PUM2: variants seen among roughly 807,000 people sequenced by gnomAD.
PUM2 encodes pumilio homolog 2.
A neutral mutation model predicts 124.5 loss-of-function variants in PUM2; 57 were observed. The ratio of observed to expected loss-of-function variants is 0.46; its 90% CI spans 0.37 to 0.57. PUM2 has a LOEUF of 0.57. Among genes scored for constraint, PUM2 ranks in the 20% least tolerant of loss-of-function variants. The pLI is 0.00. For missense variants in PUM2, 1,065 were observed against 1,290.6 expected, an observed-to-expected ratio of 0.83 and a Z score of 2.68; for synonymous variants, 460 against 446.1, an observed-to-expected ratio of 1.03 and a Z score of -0.39.
chr2:20,272,676 T>A (rs930752271), intron 13 of PUM2, among the ~76,000 whole-genome samples: 4 of 152,236 alleles, frequency 2.6e-5, no homozygotes, highest in African/African-American at 9.6e-5. Flanking sequence ...ATTTTTTGCA[T>A]CAGCTTATCA....
At chr2:20,289,418 G>A (rs747544779) in intron 10 of PUM2, among the ~76,000 whole-genome samples, 9 of 152,128 alleles carry the variant, frequency 5.9e-5, no homozygotes, top group Non-Finnish European at 1.2e-4. Flanking sequence ...TCAGCCCAAC[G>A]TCCATGTGCC....
chr2:20,312,189 A>G (rs1250945969), intron 4 of PUM2, 47 bp downstream of exon 4: 41 of 1,480,948 alleles, frequency 2.8e-5, no homozygotes, highest in Non-Finnish European at 3.7e-5. Flanking sequence ...ACGTAACCAA[A>G]TAACTCTCAA....
intron 17 of PUM2, 42 bp from the exon 18 acceptor site, chr2:20,255,383 T>C: frequency 2.5e-6 from 4 of 1,585,476 alleles, no homozygotes; most frequent in Non-Finnish European, 3.4e-6. Context: ...TTCTCTGACA[T>C]TTTTGAACAG....
At chr2:20,350,969 G>A (rs1044104479), upstream of PUM2, 17 of 175,940 alleles carry the variant, frequency 9.7e-5, no homozygotes, top group African/African-American at 2.9e-4. Context: ...GCGGGCCGGG[G>A]GCGCCCTGCG....
intron 2 of PUM2, among the ~76,000 whole-genome samples, chr2:20,325,124 G>A (rs1055111199): frequency 3.3e-5 from 5 of 152,164 alleles, no homozygotes; most frequent in Non-Finnish European, 7.4e-5. Context: ...CTTGCTGCCT[G>A]TGAGATGAGG....
At chr2:20,320,550 G>A (rs1001230937) in intron 2 of PUM2, among the ~76,000 whole-genome samples, 1 of 151,492 alleles carries the variant, frequency 6.6e-6, no homozygotes, top group Non-Finnish European at 1.5e-5. Flanking sequence ...ATTAAAAAAT[G>A]TTAATTAAAA....
At chr2:20,321,989 A>G (rs1374409457) in intron 2 of PUM2, among the ~76,000 whole-genome samples, 1 of 152,160 alleles carries the variant, frequency 6.6e-6, no homozygotes, top group Non-Finnish European at 1.5e-5. Context: ...TCAAAAAAAA[A>G]AATAAAATAA....
At chr2:20,294,338 A>G in intron 9 of PUM2, 38 bp downstream of exon 9, 1 of 1,596,082 alleles carries the variant, frequency 6.3e-7, no homozygotes, top group African/African-American at 1.3e-5. Context: ...AAGAATTTCA[A>G]AGAATACTTG....
chr2:20,258,930 G>A (rs975867986), intron 15 of PUM2, among the ~76,000 whole-genome samples: 1 of 150,872 alleles, frequency 6.6e-6, no homozygotes, highest in South Asian at 2.1e-4. Context: ...GCCTCCCAAA[G>A]TGCTGGGATT....
Position 20,328,002 on chromosome 2 carries a change from C to T in PUM2, c.-18-624G>A, listed in dbSNP as rs148862628. ...AGCAGAAATTTCTGCTGCTGACCAC[C>T]ACAAAAGTCACAGAAATTTGGAGGC... On this transcript the variant is annotated intron_variant, in intron 1 of 20. Coordinates refer to ENST00000361078, the MANE Select transcript of PUM2 (RefSeq NM_015317.5). Among the ~76,000 whole-genome samples the T allele has an allele frequency of 1.8e-3, 275 of 152,238 alleles. 4 individuals are homozygous for T. Among genetic ancestry groups the T allele is most frequent in the African/African-American group, 6.2e-3 (256 of 41,548 alleles).
At chr2:20,342,623 T>A (rs6713329) in intron 1 of PUM2, among the ~76,000 whole-genome samples, 48,505 of 152,114 alleles carry the variant, frequency 0.32, 8,587 homozygotes, top group East Asian at 0.74. Context: ...AATTTTTGTC[T>A]AGGAAAACCC....
At chr2:20,296,323 G>A (rs1395141994) in intron 8 of PUM2, among the ~76,000 whole-genome samples, 3 of 152,098 alleles carry the variant, frequency 2.0e-5, no homozygotes, top group South Asian at 2.1e-4. Flanking sequence ...GTGAAACCCC[G>A]TCTCTACGAA....
chr2:20,314,003 C>T (rs1343808142), intron 3 of PUM2, among the ~76,000 whole-genome samples: 1 of 151,820 alleles, frequency 6.6e-6, no homozygotes, highest in Non-Finnish European at 1.5e-5. Context: ...ATTAGCTGGA[C>T]ATGGTGACGG....
intron 1 of PUM2, among the ~76,000 whole-genome samples, chr2:20,345,978 G>A (rs1351326621): frequency 6.6e-6 from 1 of 152,160 alleles, no homozygotes; most frequent in Admixed American, 6.5e-5. Flanking sequence ...TCTCAACCAC[G>A]ATTCTGAAAG....
At chr2:20,256,737 A>T (rs72785295) in intron 16 of PUM2, among the ~76,000 whole-genome samples, 37,970 of 152,078 alleles carry the variant, frequency 0.25, 5,334 homozygotes, top group Non-Finnish European at 0.32. Context: ...GTTCTTTTAT[A>T]AAATGCTCTT....
chr2:20,316,352 C>T (rs1680932625), intron 3 of PUM2, among the ~76,000 whole-genome samples: 1 of 151,916 alleles, frequency 6.6e-6, no homozygotes, highest in African/African-American at 2.4e-5. Context: ...ATTAAATCTT[C>T]TAATATATTT....
intron 17 of PUM2, among the ~76,000 whole-genome samples, chr2:20,255,601 G>A (rs1664582190): frequency 6.6e-6 from 1 of 152,130 alleles, no homozygotes; most frequent in Admixed American, 6.5e-5. Flanking sequence ...CTGAGGTTAT[G>A]TAACAATGGG....
intron 13 of PUM2, among the ~76,000 whole-genome samples, chr2:20,268,688 C>T (rs1668303765): frequency 6.6e-6 from 1 of 152,102 alleles, no homozygotes; most frequent in African/African-American, 2.4e-5. Context: ...ACAGCTCATG[C>T]ACACAGGGTG....
At chr2:20,285,246 T>C (rs1036459831) in intron 10 of PUM2, among the ~76,000 whole-genome samples, 7 of 152,236 alleles carry the variant, frequency 4.6e-5, no homozygotes, top group Non-Finnish European at 1.0e-4. Context: ...TCCATTCTCT[T>C]GATGGCTACT....
Sources: gnomAD v4.1 joint callset for allele counts (sites outside exome capture counted in the v4.1 genomes callset) on GRCh38, gnomAD v4.1.1 for gene constraint, MANE v1.5 for transcripts, NCBI Gene and HGNC (gene_info 2026-07-23, HGNC 2026-07-21) for gene names.